The following WDPCP variants were observed in gnomAD, a reference collection of about 807,000 sequenced individuals.
WDPCP encodes WD repeat-containing and planar cell polarity effector protein fritz homolog.
In WDPCP, 71 loss-of-function variants were observed where a neutral mutation model predicts 93.1. That is an observed-to-expected ratio of 0.76 (90% CI 0.63 to 0.93). The LOEUF (loss-of-function observed/expected upper bound fraction) is 0.93. Ranked by LOEUF, WDPCP falls within the 40% of genes least tolerant of loss-of-function variation. The pLI is 0.00. For synonymous variants in WDPCP, 315 were observed against 315.0 expected, an observed-to-expected ratio of 1.00 and a Z score of 0.00; for missense variants, 844 against 887.4, an observed-to-expected ratio of 0.95 and a Z score of 0.62.
At chr2:63,142,182 G>A (rs1405377810) in intron 17 of WDPCP, among the ~76,000 whole-genome samples, 2 of 152,094 alleles carry the variant, frequency 1.3e-5, no homozygotes, top group African/African-American at 2.4e-5. Flanking sequence ...CTGGGTTTGA[G>A]TTTGGTTTGT....
At chr2:63,132,841 T>C (rs763961667) in intron 17 of WDPCP, among the ~76,000 whole-genome samples, 3 of 152,208 alleles carry the variant, frequency 2.0e-5, no homozygotes, top group African/African-American at 4.8e-5. Context: ...GTCTGATACC[T>C]GTATTTTTTC....
intron 14 of WDPCP, among the ~76,000 whole-genome samples, chr2:63,209,700 C>G (rs1676618539): frequency 6.6e-6 from 1 of 152,146 alleles, no homozygotes; most frequent in Non-Finnish European, 1.5e-5. Flanking sequence ...TCAATGACAG[C>G]ATCTTTTTAG....
intron 14 of WDPCP, among the ~76,000 whole-genome samples, chr2:63,196,297 A>G (rs1675432568): frequency 6.6e-6 from 1 of 152,236 alleles, no homozygotes; most frequent in Non-Finnish European, 1.5e-5. Flanking sequence ...GTTGCTCACC[A>G]TTTCAAGATA....
intron 14 of WDPCP, among the ~76,000 whole-genome samples, chr2:63,238,966 T>G (rs187428995): frequency 2.0e-5 from 3 of 152,174 alleles, no homozygotes; most frequent in South Asian, 2.1e-4. Context: ...AGGGCCAATT[T>G]TGAGCTACCA....
chr2:63,338,969 A>T (rs985906916), intron 12 of WDPCP, among the ~76,000 whole-genome samples: 4 of 152,132 alleles, frequency 2.6e-5, no homozygotes, highest in Non-Finnish European at 4.4e-5. Flanking sequence ...TGCCTTGGGC[A>T]GTATTGTGAT....
At position 63,226,422 on chromosome 2, in the gene WDPCP, C is replaced by A. The variant is rs142143438; in HGVS notation, c.1915+32885G>T. Among the ~76,000 whole-genome samples the A allele has an allele frequency of 3.8e-4, 58 of 151,878 alleles. No individual in the cohort carries two copies. The East Asian group carries it at 7.7e-3, about 20-fold the overall frequency. On this transcript the variant is annotated intron_variant, in intron 14 of 17. Transcript: ENST00000272321. ...ACCTTAAAATACTATTTATTTAAAT[C>A]ATTTTAAGGTATTGTTTTCAAGATT...
At chr2:63,338,388 T>C (rs913598720) in intron 12 of WDPCP, among the ~76,000 whole-genome samples, 5 of 150,780 alleles carry the variant, frequency 3.3e-5, no homozygotes, top group African/African-American at 1.2e-4. Flanking sequence ...CCCGTCTCTA[T>C]TAAAGATACA....
chr2:63,837,938 T>C, the WDPCP span, among the ~76,000 whole-genome samples: 1 of 152,050 alleles, frequency 6.6e-6, no homozygotes, highest in Non-Finnish European at 1.5e-5. Flanking sequence ...ACCCTGTCTC[T>C]ACTAAAAATA....
chr2:63,289,762 C>A (rs1269538084), intron 13 of WDPCP, among the ~76,000 whole-genome samples: 1 of 151,690 alleles, frequency 6.6e-6, no homozygotes, highest in South Asian at 2.1e-4. Flanking sequence ...TTTGGTTTGT[C>A]GGCTTTTGCT....
intron 2 of WDPCP, among the ~76,000 whole-genome samples, chr2:63,770,510 T>A (rs1316726230): frequency 6.6e-6 from 1 of 151,808 alleles, no homozygotes; most frequent in African/African-American, 2.4e-5. Flanking sequence ...TAGAAGGAAA[T>A]AAATAATAAA....
At chr2:63,589,799 T>C (rs1420753413), upstream of WDPCP, among the ~76,000 whole-genome samples, 2 of 150,962 alleles carry the variant, frequency 1.3e-5, no homozygotes, top group African/African-American at 4.9e-5. Flanking sequence ...AGGGGGAGAG[T>C]TGGTGAAGGA....
intron 2 of WDPCP, among the ~76,000 whole-genome samples, chr2:63,812,705 A>C (rs1670879554): frequency 6.6e-6 from 1 of 152,098 alleles, no homozygotes; most frequent in Non-Finnish European, 1.5e-5. Flanking sequence ...TGGAATAATC[A>C]ATGGGTGTTG....
In WDPCP at chr2:63,121,371, CT is replaced by C. The variant is rs1669535815; in HGVS notation, c.*634del. On this transcript the variant is annotated 3_prime_UTR_variant, in exon 18 of 18. Coordinates refer to ENST00000272321, the MANE Select transcript of WDPCP (RefSeq NM_015910.7). ...GAGCAGAAGAGGACTTTCTTTCTTT[CT>C]TTTCTTTCTTTTTTTTTTTTTTTTT... 1.6e-5 allele frequency: 2 copies of C among 127,560 alleles called. No individual in the cohort carries two copies. The highest frequency in any genetic ancestry group is 5.7e-5 in the African/African-American group (2 of 34,944). 7.9% of individuals were successfully genotyped at this position (127,560 alleles called of 1,614,324 possible). A position where few individuals can be genotyped will look rare whatever the true frequency, so the allele number is the denominator to read the frequency against.
intron 3 of WDPCP, among the ~76,000 whole-genome samples, chr2:63,607,917 T>C (rs1709571293): frequency 6.6e-6 from 1 of 152,146 alleles, no homozygotes; most frequent in East Asian, 1.9e-4. Context: ...TACATTTTTT[T>C]AACCAGGGGA....
At chr2:63,792,490 C>A (rs1327574990) in intron 2 of WDPCP, among the ~76,000 whole-genome samples, 3 of 152,060 alleles carry the variant, frequency 2.0e-5, no homozygotes, top group African/African-American at 7.2e-5. Context: ...GGGGACACAG[C>A]CAAACCATAT....
intron 2 of WDPCP, among the ~76,000 whole-genome samples, chr2:63,739,185 C>A (rs1428822924): frequency 6.6e-6 from 1 of 152,024 alleles, no homozygotes; most frequent in Admixed American, 6.6e-5. Flanking sequence ...TCCTTCCTCC[C>A]ACCTCAAGTA....
chr2:63,765,676 T>C (rs1670127193), intron 2 of WDPCP, among the ~76,000 whole-genome samples: 1 of 152,280 alleles, frequency 6.6e-6, no homozygotes, highest in South Asian at 2.1e-4. Flanking sequence ...ACTCCAAAAT[T>C]ATCCTGGACT....
chr2:63,480,818 T>C (rs754005665), intron 6 of WDPCP, among the ~76,000 whole-genome samples: 6 of 152,110 alleles, frequency 3.9e-5, no homozygotes, highest in Non-Finnish European at 5.9e-5. Flanking sequence ...CTCTAGACAT[T>C]GGCTTAGGCA....
At chr2:63,816,794 T>C (rs1486284246) in intron 1 of WDPCP, among the ~76,000 whole-genome samples, 1 of 152,152 alleles carries the variant, frequency 6.6e-6, no homozygotes, top group African/African-American at 2.4e-5. Flanking sequence ...TATTCAGTAA[T>C]AAAAGGAATG....
Sources: allele counts gnomAD v4.1 joint callset (sites outside exome capture counted in the v4.1 genomes callset), GRCh38; gene constraint gnomAD v4.1.1; transcripts MANE v1.5; gene names NCBI Gene and HGNC (gene_info 2026-07-23, HGNC 2026-07-21).